Variants in CTDP1 observed in about 807,000 individuals in gnomAD.
The protein encoded by CTDP1 is RNA polymerase II subunit A C-terminal domain phosphatase.
Under a neutral mutation model 91.8 loss-of-function variants are expected in CTDP1, and 47 were observed. The observed-to-expected ratio is 0.51, with a 90% CI of 0.41 to 0.65. The LOEUF (loss-of-function observed/expected upper bound fraction) is 0.65. Ranked by LOEUF, CTDP1 falls within the 30% of genes least tolerant of loss-of-function variation. The probability of loss-of-function intolerance (pLI) is 0.00; values close to 1 mark genes in which losing one functional copy is unlikely to be tolerated. For synonymous variants in CTDP1, 656 were observed against 598.5 expected (o/e 1.10, Z -1.40); for missense variants, 1,272 against 1,373.7 (o/e 0.93, Z 1.17).
At position 79,680,227 on chromosome 18, in the gene CTDP1, C is replaced by T. The variant is rs774697090; in HGVS notation, c.280C>T (p.Leu94=). 17 of 1,353,976 alleles carry T rather than the reference C, an allele frequency of 1.3e-5. No individual in the cohort carries two copies. The highest frequency in any genetic ancestry group is 1.6e-5 in the Non-Finnish European group (17 of 1,060,650). 83.9% of individuals were successfully genotyped at this position (1,353,976 alleles called of 1,614,324 possible). Residue 94 remains leucine (L), a synonymous_variant, in exon 1 of 13, where the codon CTG becomes TTG. Transcript: ENST00000613122. ...RSERAGVVRE[L]CAQPGQVVAP... ...GGAGCGCGCGGGCGTGGTGCGGGAG[C>T]TGTGCGCGCAGCCGGGCCAGGTGGT...
Position 79,680,244 on chromosome 18 carries a change from C to G in CTDP1, c.297C>G (p.Gly99=). ...TGCGGGAGCTGTGCGCGCAGCCGGG[C>G]CAGGTGGTCGCCCCAGGGTGAGTGT... ...GVVRELCAQP[G]QVVAPGAVLV... is the part of the protein sequence containing the mutation. The change falls in exon 1 of 13, where the codon GGC becomes GGG. Residue 99 remains glycine, a synonymous_variant. Coordinates refer to ENST00000613122, the MANE Select transcript of CTDP1 (RefSeq NM_004715.5). The G allele has an allele frequency of 7.7e-7, 1 of 1,304,674 alleles. No individual in the cohort carries two copies. The highest frequency in any genetic ancestry group is 9.7e-7 in the Non-Finnish European group (1 of 1,031,338). 80.8% of individuals were successfully genotyped at this position (1,304,674 alleles called of 1,614,324 possible).
chr18:79,734,189 C>T (rs185217708), intron 11 of CTDP1, among the ~76,000 whole-genome samples: 220 of 152,320 alleles, frequency 1.4e-3, no homozygotes, highest in Admixed American at 4.6e-3. Flanking sequence ...AATGTCTGAG[C>T]GTGGAAGGCG....
In CTDP1 at chr18:79,717,805, G is replaced by C; in HGVS notation, c.2211-5G>C. The C allele has an allele frequency of 6.2e-7, 1 of 1,613,682 alleles. No homozygotes were observed. The highest frequency in any genetic ancestry group is 8.5e-7 in the Non-Finnish European group (1 of 1,179,980). ...CTCATGGCCCTCGTTCTCTTCCTCC[G>C]ACAGGGAGAACAGCCCTGCGGCCTT... is the stretch of plus-strand genomic sequence containing the variant. On this transcript the variant is annotated splice_polypyrimidine_tract_variant and splice_region_variant and intron_variant, in intron 9 of 12. Transcript: ENST00000613122.
intron 11 of CTDP1, among the ~76,000 whole-genome samples, chr18:79,729,468 C>T (rs1039476531): frequency 1.3e-5 from 2 of 152,188 alleles, no homozygotes; most frequent in South Asian, 2.1e-4. Flanking sequence ...TGCCTGACGC[C>T]GACCGGCCCC....
upstream of CTDP1, among the ~76,000 whole-genome samples, chr18:79,677,015 G>A (rs1007593431): frequency 6.6e-6 from 1 of 152,236 alleles, no homozygotes; most frequent in Non-Finnish European, 1.5e-5. Context: ...AGATCAGTCT[G>A]TCAGTTCCAT....
intron 1 of CTDP1, chr18:79,681,561 G>A: frequency 2.2e-6 from 2 of 920,674 alleles, no homozygotes; most frequent in Non-Finnish European, 2.6e-6. Flanking sequence ...GAAATTCCAT[G>A]TTCAGTCAGT....
intron 12 of CTDP1, among the ~76,000 whole-genome samples, chr18:79,741,568 C>T (rs1360080997): frequency 6.6e-6 from 1 of 152,194 alleles, no homozygotes; most frequent in Non-Finnish European, 1.5e-5. Flanking sequence ...GCCCCCGTTT[C>T]CTGTCCCATC....
chr18:79,685,359 G>T (rs981383951), intron 1 of CTDP1: 1 of 152,140 alleles, frequency 6.6e-6, no homozygotes, highest in African/African-American at 2.4e-5. Context: ...TCACTCACAG[G>T]GAGGTATTTA....
chr18:79,712,727 C>T (rs889989410), intron 6 of CTDP1, among the ~76,000 whole-genome samples: 1 of 152,174 alleles, frequency 6.6e-6, no homozygotes, highest in African/African-American at 2.4e-5. Context: ...AATAGTGACT[C>T]TGGCGCTTTA....
At chr18:79,724,888 A>G (rs983901544) in intron 10 of CTDP1, among the ~76,000 whole-genome samples, 1 of 152,092 alleles carries the variant, frequency 6.6e-6, no homozygotes, top group Non-Finnish European at 1.5e-5. Context: ...TCCTCCCTCC[A>G]TGGCTGCTTC....
At chr18:79,723,458 C>G (rs1383303041) in intron 10 of CTDP1, among the ~76,000 whole-genome samples, 1 of 152,222 alleles carries the variant, frequency 6.6e-6, no homozygotes, top group Non-Finnish European at 1.5e-5. Flanking sequence ...CGTCCCTGGA[C>G]TGGTCCTCAT....
intron 3 of CTDP1, among the ~76,000 whole-genome samples, chr18:79,697,493 C>G (rs1049154597): frequency 1.3e-5 from 2 of 152,246 alleles, no homozygotes; most frequent in African/African-American, 2.4e-5. Flanking sequence ...GTCTCTGCTG[C>G]CCAGCTTGGG....
At chr18:79,694,057 G>A (rs1374452991) in intron 1 of CTDP1, among the ~76,000 whole-genome samples, 2 of 152,238 alleles carry the variant, frequency 1.3e-5, no homozygotes, top group Non-Finnish European at 2.9e-5. Context: ...GGGCCATGGG[G>A]CATCCCGCCT....
intron 10 of CTDP1, among the ~76,000 whole-genome samples, chr18:79,727,078 C>T (rs980039750): frequency 4.0e-5 from 6 of 151,766 alleles, no homozygotes; most frequent in African/African-American, 9.7e-5. Flanking sequence ...CTGACCTTCC[C>T]GCGTGGGTGT....
chr18:79,728,371 T>A (rs2086494655), intron 10 of CTDP1, among the ~76,000 whole-genome samples: 1 of 152,226 alleles, frequency 6.6e-6, no homozygotes, highest in Admixed American at 6.5e-5. Flanking sequence ...AAGTGCTGGC[T>A]TTACAAGCAT....
intron 4 of CTDP1, among the ~76,000 whole-genome samples, chr18:79,702,439 T>C (rs1001408800): frequency 6.6e-6 from 1 of 152,302 alleles, no homozygotes; most frequent in Admixed American, 6.5e-5. Flanking sequence ...AGTGACACGA[T>C]CTCTCTATCC....
Position 79,713,095 on chromosome 18 carries a change from G to A in CTDP1, c.987G>A (p.Met329Ile), listed in dbSNP as rs768145127. 1 of 1,614,122 alleles carries A rather than the reference G, an allele frequency of 6.2e-7. No individual in the cohort carries two copies. The highest frequency in any genetic ancestry group is 1.1e-5 in the South Asian group (1 of 91,076). ...TATACTTCCAGGGCACGGGTGATAT[G>A]AATGCGCCCCCTGGGTCCCGAGAAT... is the stretch of plus-strand genomic sequence containing the variant. ...KYVYFQGTGD[M>I]NAPPGSRESQ... is the part of the protein sequence containing the mutation. Residue 329 changes from methionine (M) to isoleucine (I), a missense_variant, in exon 7 of 13, where the codon ATG becomes ATA. By Grantham distance (10) the Met-to-Ile change is conservative. Around this residue, in one of 3 missense-constraint regions of CTDP1, gnomAD observed 881 missense variants for 911.6 expected, o/e 0.97. Transcript: ENST00000613122. The surrounding 1 kb of genome is among the most constrained non-coding windows in gnomAD (Gnocchi z 4.7).
At chr18:79,701,793 C>G (rs1409226906) in intron 4 of CTDP1, among the ~76,000 whole-genome samples, 1 of 152,110 alleles carries the variant, frequency 6.6e-6, no homozygotes, top group Non-Finnish European at 1.5e-5. Flanking sequence ...TTGATTCTGA[C>G]CTTCATGGAT....
intron 10 of CTDP1, among the ~76,000 whole-genome samples, chr18:79,728,451 T>G (rs982599115): frequency 1.3e-5 from 2 of 152,176 alleles, no homozygotes; most frequent in Non-Finnish European, 2.9e-5. Flanking sequence ...CACTTGGCCG[T>G]TTTTTGTGTC....
Sources: allele counts gnomAD v4.1 joint callset (sites outside exome capture counted in the v4.1 genomes callset), GRCh38; gene constraint gnomAD v4.1.1; regional missense constraint gnomAD v4.1.1; non-coding constraint Gnocchi (gnomAD v3.1); transcripts MANE v1.5; gene names NCBI Gene and HGNC (gene_info 2026-07-23, HGNC 2026-07-21).